The following FGD5 variants were observed in gnomAD, a reference collection of about 807,000 sequenced individuals.
The protein encoded by FGD5 is FYVE, RhoGEF and PH domain containing 5, also known as FYVE, RhoGEF and PH domain-containing protein 5.
In FGD5, 28 loss-of-function variants were observed where a neutral mutation model predicts 133.4. The ratio of observed to expected loss-of-function variants is 0.21; its 90% CI spans 0.16 to 0.29. FGD5 has a LOEUF of 0.29. Ranked by LOEUF, FGD5 falls within the 10% of genes least tolerant of loss-of-function variation. The pLI, the probability that FGD5 is intolerant of heterozygous loss-of-function variation, is 1.00. For synonymous variants in FGD5, 810 were observed against 776.5 expected (o/e 1.04, Z -0.72); for missense variants, 1,858 against 1,895.2 (o/e 0.98, Z 0.36).
intron 4 of FGD5, among the ~76,000 whole-genome samples, chr3:14,891,754 CTCT>C (rs2038032017): frequency 2.6e-5 from 4 of 152,224 alleles, no homozygotes; most frequent in Admixed American, 2.0e-4. Context: ...TCCACATCTG[CTCT>C]TCTTGTCTGA....
chr3:14,923,251 C>A (rs985197750), intron 16 of FGD5, 76 bp downstream of exon 16: 3 of 1,535,102 alleles, frequency 2.0e-6, no homozygotes, highest in South Asian at 2.4e-5. Flanking sequence ...TCTCTGTGGT[C>A]CATGGTTCAT....
chr3:14,840,553 T>C (rs1323096655), intron 1 of FGD5, among the ~76,000 whole-genome samples: 2 of 152,204 alleles, frequency 1.3e-5, no homozygotes, highest in Non-Finnish European at 2.9e-5. Context: ...CTTTACAGAT[T>C]GTTCCCTGTC....
chr3:14,920,122 G>A (rs1381069630), intron 13 of FGD5, among the ~76,000 whole-genome samples: 1 of 152,042 alleles, frequency 6.6e-6, no homozygotes, highest in Non-Finnish European at 1.5e-5. Context: ...CAAGCTCTCG[G>A]GGGCTTGGAA....
chr3:14,919,109 T>A (rs561673064), intron 13 of FGD5, among the ~76,000 whole-genome samples: 1 of 152,188 alleles, frequency 6.6e-6, no homozygotes, highest in African/African-American at 2.4e-5. Context: ...GCAATAGCAA[T>A]GTCTCATGTT....
chr3:14,886,231 C>G (rs778331830), intron 4 of FGD5, among the ~76,000 whole-genome samples: 4 of 152,206 alleles, frequency 2.6e-5, no homozygotes, highest in Non-Finnish European at 5.9e-5. Flanking sequence ...CAGGTCATGT[C>G]TCCCAGCTGG....
chr3:14,924,354 C>T (rs1254969588), intron 17 of FGD5, among the ~76,000 whole-genome samples: 11 of 152,164 alleles, frequency 7.2e-5, no homozygotes, highest in Non-Finnish European at 1.2e-4. Flanking sequence ...CTCCCCTCCT[C>T]CTCTTTCTTT....
At position 14,917,365 on chromosome 3, in the gene FGD5, G is replaced by A; in HGVS notation, c.3489+33G>A. 1 of 1,593,110 alleles carries A rather than the reference G, an allele frequency of 6.3e-7. No individual in the cohort carries two copies. Among genetic ancestry groups the A allele is most frequent in the South Asian group, 1.1e-5 (1 of 88,220 alleles). ...TCTGGTGCCAGGTACCCCCGGGTTG[G>A]GGGACAGGGAGACCCCAGGGGAGAA... is the stretch of plus-strand genomic sequence containing the variant. On this transcript the variant is annotated intron_variant, in intron 12 of 19. Coordinates refer to ENST00000285046, the MANE Select transcript of FGD5 (RefSeq NM_152536.4). The surrounding 1 kb of genome is among the most constrained non-coding windows in gnomAD (Gnocchi z 4.1).
Position 14,922,302 on chromosome 3 carries a change from C to G in FGD5, c.3670-109C>G. ...GCCTTTCACATCAGACCCACTCACC[C>G]ACACATCACACACCCTGCACAGAGA... is the stretch of plus-strand genomic sequence containing the variant. On this transcript the variant is annotated intron_variant, in intron 14 of 19. Transcript: ENST00000285046. This position sits in a 1 kb window ranked among gnomAD's most constrained non-coding sequence, Gnocchi z 4.1. 1.4e-6 allele frequency: 2 copies of G among 1,462,618 alleles called. No individual in the cohort carries two copies. The highest frequency in any genetic ancestry group is 1.8e-6 in the Non-Finnish European group (2 of 1,081,938). The allele number at this position is 1,462,618 out of a possible 1,614,324, so 90.6% of individuals were successfully genotyped here.
At chr3:14,826,855 A>G (rs1169757681) in intron 1 of FGD5, among the ~76,000 whole-genome samples, 1 of 152,178 alleles carries the variant, frequency 6.6e-6, no homozygotes, top group Non-Finnish European at 1.5e-5. Flanking sequence ...AACCAGGATC[A>G]TGAATTTGCA....
intron 2 of FGD5, among the ~76,000 whole-genome samples, chr3:14,873,814 C>T (rs1056957042): frequency 2.0e-5 from 3 of 152,048 alleles, no homozygotes; most frequent in Admixed American, 1.3e-4. Context: ...CTCCGCCTCC[C>T]GGGTTCAAGA....
At chr3:14,825,477 A>G (rs1041113510) in intron 1 of FGD5, among the ~76,000 whole-genome samples, 2 of 151,880 alleles carry the variant, frequency 1.3e-5, no homozygotes, top group African/African-American at 2.4e-5. Context: ...ATATATATAT[A>G]TGTACACACG....
At chr3:14,888,376 T>C (rs1301630821) in intron 4 of FGD5, among the ~76,000 whole-genome samples, 2 of 152,178 alleles carry the variant, frequency 1.3e-5, no homozygotes, top group Non-Finnish European at 2.9e-5. Context: ...ACGTGAATAG[T>C]CTGACAATGC....
chr3:14,828,405 C>T (rs935634094), intron 1 of FGD5, among the ~76,000 whole-genome samples: 3 of 152,198 alleles, frequency 2.0e-5, no homozygotes, highest in Admixed American at 6.5e-5. Flanking sequence ...TTCCTTCATT[C>T]AGAAGGTACC....
intron 1 of FGD5, among the ~76,000 whole-genome samples, chr3:14,844,035 C>T (rs1437364818): frequency 6.7e-6 from 1 of 149,568 alleles, no homozygotes. Flanking sequence ...CTCACAGCAA[C>T]CCTGTGAGTT....
chr3:14,921,898 A>G lies in FGD5; in HGVS notation c.3570-20A>G. On this transcript the variant is annotated intron_variant, in intron 13 of 19. Coordinates refer to ENST00000285046, the MANE Select transcript of FGD5 (RefSeq NM_152536.4). ...GGCAGAGCTGCTCCTGCCTTTGCTC[A>G]CTCCAGCCCATGCCCGCAGCTCCTG... The G allele has an allele frequency of 6.4e-7, 1 of 1,555,030 alleles. No individual in the cohort carries two copies. Among genetic ancestry groups the G allele is most frequent in the Non-Finnish European group, 8.7e-7 (1 of 1,148,896 alleles).
Position 14,820,007 on chromosome 3 carries a change from G to T in FGD5, c.936G>T (p.Leu312=). 6.2e-7 allele frequency: 1 copy of T among 1,613,944 alleles called. No individual in the cohort carries two copies. The highest frequency in any genetic ancestry group is 8.5e-7 in the Non-Finnish European group (1 of 1,179,864). The change falls in exon 1 of 20, where the codon CTG becomes CTT. Residue 312 remains leucine, a synonymous_variant. Transcript: ENST00000285046. ...KTNQEVAAAT[L]EDHAQDESAE... ...ACCAAGAAGTGGCAGCCGCCACCCT[G>T]GAGGACCATGCACAGGATGAGTCCG...
chr3:14,932,479 C>G, intron 18 of FGD5, 98 bp from the exon 19 acceptor site: 1 of 1,411,658 alleles, frequency 7.1e-7, no homozygotes, highest in Non-Finnish European at 9.5e-7. Context: ...GCACACCCCA[C>G]ACAGAGGCAC....
rs975588639 is a variant in FGD5 at position 14,932,719 on chromosome 3, A to G, written c.4340A>G (p.Asn1447Ser). ...LFYSFKAEDT[N>S]SAQRWIEAME... ...TATAGCTTCAAAGCAGAAGATACCA[A>G]TTCAGCTCAGAGGTACGAAAAGAAC... Residue 1447 changes from asparagine to serine, a missense_variant, in exon 19 of 20, where the codon AAT becomes AGT. By Grantham distance (46) the Asn-to-Ser change is conservative. Coordinates refer to ENST00000285046, the MANE Select transcript of FGD5 (RefSeq NM_152536.4). 24 of 1,613,392 alleles carry G rather than the reference A, an allele frequency of 1.5e-5. No homozygotes were observed. Among genetic ancestry groups the G allele is most frequent in the South Asian group, 4.4e-5 (4 of 90,988 alleles).
At chr3:14,837,462 G>A (rs1001803499) in intron 1 of FGD5, among the ~76,000 whole-genome samples, 4 of 152,148 alleles carry the variant, frequency 2.6e-5, no homozygotes, top group African/African-American at 7.2e-5. Flanking sequence ...TAACGGTTGC[G>A]GGGGCTGGGG....
Sources: gnomAD v4.1 joint callset for allele counts (sites outside exome capture counted in the v4.1 genomes callset) on GRCh38, gnomAD v4.1.1 for gene constraint, Gnocchi (gnomAD v3.1) non-coding constraint, MANE v1.5 for transcripts, NCBI Gene and HGNC (gene_info 2026-07-23, HGNC 2026-07-21) for gene names.